Variants in KCNIP4 observed in about 807,000 individuals in gnomAD.
KCNIP4 encodes the protein potassium voltage-gated channel interacting protein 4.
Under a neutral mutation model 34.0 loss-of-function variants are expected in KCNIP4, and 12 were observed. The ratio of observed to expected loss-of-function variants is 0.35; its 90% CI spans 0.23 to 0.57. The LOEUF is 0.57. Ranked by LOEUF, KCNIP4 falls within the 20% of genes least tolerant of loss-of-function variation. The pLI, the probability that KCNIP4 is intolerant of heterozygous loss-of-function variation, is 0.83. For missense variants in KCNIP4, 238 were observed against 311.7 expected (o/e 0.76, Z 1.78); for synonymous variants, 124 against 102.2 (o/e 1.21, Z -1.29).
At chr4:21,783,964 T>C (rs1043567675) in intron 1 of KCNIP4, among the ~76,000 whole-genome samples, 1 of 152,174 alleles carries the variant, frequency 6.6e-6, no homozygotes, top group Non-Finnish European at 1.5e-5. Flanking sequence ...ATCAGATACA[T>C]ATATGTATTA....
intron 1 of KCNIP4, among the ~76,000 whole-genome samples, chr4:21,824,612 A>G (rs1271814213): frequency 6.6e-6 from 1 of 152,110 alleles, no homozygotes; most frequent in Non-Finnish European, 1.5e-5. Context: ...CTGGCCTTGC[A>G]CCCACAAAAT....
At chr4:21,528,777 AAGG>A (rs1338776747) in intron 1 of KCNIP4, among the ~76,000 whole-genome samples, 1 of 16,050 alleles carries the variant, frequency 6.2e-5, no homozygotes, top group African/African-American at 2.5e-4. Flanking sequence ...GAAAGAAAGA[AAGG>A]AAGAAAGGAA....
chr4:21,305,748 C>A (rs933317384), intron 1 of KCNIP4, among the ~76,000 whole-genome samples: 2 of 152,238 alleles, frequency 1.3e-5, no homozygotes, highest in African/African-American at 4.8e-5. Context: ...TGGGCTTTTC[C>A]ATTTCTAGGA....
At chr4:21,086,341 C>T (rs919307445) in intron 1 of KCNIP4, among the ~76,000 whole-genome samples, 56 of 152,250 alleles carry the variant, frequency 3.7e-4, no homozygotes, top group African/African-American at 1.2e-3. Flanking sequence ...TATTTAAATG[C>T]CCATCTCCAT....
intron 1 of KCNIP4, among the ~76,000 whole-genome samples, chr4:21,813,021 G>T (rs1208138758): frequency 6.6e-6 from 1 of 152,086 alleles, no homozygotes; most frequent in Non-Finnish European, 1.5e-5. Context: ...GCTTGCCTAG[G>T]TGCCCCCAAG....
chr4:20,774,918 T>G (rs1756242702), intron 3 of KCNIP4, among the ~76,000 whole-genome samples: 1 of 152,188 alleles, frequency 6.6e-6, no homozygotes, highest in Non-Finnish European at 1.5e-5. Flanking sequence ...ATACCTGTTT[T>G]TCAGAGCTCT....
chr4:21,092,437 AC>A (rs1355363761), intron 1 of KCNIP4, among the ~76,000 whole-genome samples: 1 of 152,118 alleles, frequency 6.6e-6, no homozygotes, highest in Non-Finnish European at 1.5e-5. Flanking sequence ...TAAGTTCCAA[AC>A]CCAGAGTGGT....
intron 1 of KCNIP4, among the ~76,000 whole-genome samples, chr4:21,280,796 T>C (rs747776516): frequency 3.9e-5 from 6 of 152,126 alleles, no homozygotes; most frequent in Non-Finnish European, 7.4e-5. Context: ...CACTACATGG[T>C]AGTACTGGGA....
intron 1 of KCNIP4, among the ~76,000 whole-genome samples, chr4:21,723,969 G>C (rs35842590): frequency 0.091 from 13,847 of 152,044 alleles, 659 homozygotes; most frequent in Middle Eastern, 0.17. Flanking sequence ...AGGCCTTATA[G>C]CAGAGGGGGA....
intron 1 of KCNIP4, among the ~76,000 whole-genome samples, chr4:21,544,935 A>T (rs1000914863): frequency 6.6e-6 from 1 of 152,078 alleles, no homozygotes; most frequent in Non-Finnish European, 1.5e-5. Flanking sequence ...AGGCATTTGA[A>T]CTAGAACGAC....
At chr4:21,017,845 C>T (rs897791115) in intron 1 of KCNIP4, among the ~76,000 whole-genome samples, 2 of 152,134 alleles carry the variant, frequency 1.3e-5, no homozygotes, top group Non-Finnish European at 2.9e-5. Context: ...ACAGTCTCAT[C>T]AACATCTGTT....
At chr4:21,454,773 C>T (rs1728783148) in intron 1 of KCNIP4, among the ~76,000 whole-genome samples, 1 of 152,076 alleles carries the variant, frequency 6.6e-6, no homozygotes, top group South Asian at 2.1e-4. Flanking sequence ...CTCTTATTTT[C>T]CATGTTTTCT....
chr4:21,946,389 A>G (rs187037636), intron 1 of KCNIP4, among the ~76,000 whole-genome samples: 33 of 152,282 alleles, frequency 2.2e-4, no homozygotes, highest in Non-Finnish European at 4.1e-4. Context: ...ATAGTACAAG[A>G]TAGTTTGGGA....
chr4:21,250,437 A>T (rs1760620448), intron 1 of KCNIP4, among the ~76,000 whole-genome samples: 1 of 152,128 alleles, frequency 6.6e-6, no homozygotes, highest in Admixed American at 6.6e-5. Flanking sequence ...TCCATTAAAT[A>T]AGTGGGAGTC....
Position 21,571,409 on chromosome 4 carries a change from T to C in KCNIP4, c.61+377162A>G, listed in dbSNP as rs186391778. Among the ~76,000 whole-genome samples the C allele has an allele frequency of 1.2e-4, 18 of 152,300 alleles. No homozygotes were observed. In the East Asian group the frequency reaches 3.3e-3, roughly 28 times the overall value. On this transcript the variant is annotated intron_variant, in intron 1 of 8. Transcript: ENST00000382152. ...CCTAGCTGTTTATAAGAAAGGATAG[T>C]TAAATGCAGAAATGCAAATCTGTAG... is the stretch of plus-strand genomic sequence containing the variant.
intron 1 of KCNIP4, among the ~76,000 whole-genome samples, chr4:21,605,852 A>T (rs1312113325): frequency 6.6e-6 from 1 of 152,096 alleles, no homozygotes; most frequent in South Asian, 2.1e-4. Flanking sequence ...CCATTCCCTG[A>T]CCACCATCAA....
intron 1 of KCNIP4, among the ~76,000 whole-genome samples, chr4:21,107,960 G>T (rs917234364): frequency 1.3e-5 from 2 of 151,354 alleles, no homozygotes; most frequent in South Asian, 2.1e-4. Flanking sequence ...AGTTTCTGCC[G>T]AGAAATCTGC....
intron 1 of KCNIP4, among the ~76,000 whole-genome samples, chr4:21,782,047 AGAG>A: frequency 8.9e-5 from 2 of 22,390 alleles, no homozygotes; most frequent in Non-Finnish European, 3.9e-4. Flanking sequence ...TGAAAAGGAG[AGAG>A]AGAAAAATAA....
At chr4:21,855,998 TA>T in intron 1 of KCNIP4, among the ~76,000 whole-genome samples, 1 of 152,358 alleles carries the variant, frequency 6.6e-6, no homozygotes, top group Non-Finnish European at 1.5e-5. Context: ...TTAACAGTTC[TA>T]GCAGTTCTAG....
Sources: allele counts gnomAD v4.1 joint callset (sites outside exome capture counted in the v4.1 genomes callset), GRCh38; gene constraint gnomAD v4.1.1; transcripts MANE v1.5; gene names NCBI Gene and HGNC (gene_info 2026-07-23, HGNC 2026-07-21).